Variants in ELMOD1 observed in about 807,000 individuals in gnomAD.
The protein encoded by ELMOD1 is ELMO domain containing 1.
A neutral mutation model predicts 46.7 loss-of-function variants in ELMOD1; 21 were observed. The observed-to-expected ratio is 0.45, with a 90% CI of 0.32 to 0.65. The LOEUF (loss-of-function observed/expected upper bound fraction) is 0.65, where lower values mean the gene tolerates loss of function less well. Ranked by LOEUF, ELMOD1 falls within the 30% of genes least tolerant of loss-of-function variation. ELMOD1 has a pLI of 0.04. For synonymous variants in ELMOD1, 122 were observed against 138.2 expected, an observed-to-expected ratio of 0.88 and a Z score of 0.82; for missense variants, 348 against 407.8, an observed-to-expected ratio of 0.85 and a Z score of 1.26.
Position 107,619,363 on chromosome 11 carries a change from T to G in ELMOD1, c.17+1157T>G, listed in dbSNP as rs965444570. Among the ~76,000 whole-genome samples the G allele has an allele frequency of 3.3e-5, 5 of 152,374 alleles. No individual in the cohort carries two copies. In the East Asian group the frequency reaches 9.6e-4, roughly 29 times the overall value. ...AGGAGGACATTTGCCAGCCAAGTAT[T>G]TGACCTAATATGTTCTTGGTTGTCA... On this transcript the variant is annotated intron_variant, in intron 2 of 11. Transcript: ENST00000265840.
chr11:107,656,806 A>G (rs973511617), intron 11 of ELMOD1, among the ~76,000 whole-genome samples: 22 of 152,198 alleles, frequency 1.4e-4, no homozygotes, highest in African/African-American at 4.8e-4. Context: ...TAATTCTCAG[A>G]TCTATGTTTT....
intron 8 of ELMOD1, 145 bp from the exon 9 acceptor site, chr11:107,650,740 G>A: frequency 1.6e-6 from 1 of 624,646 alleles, no homozygotes; most frequent in South Asian, 2.2e-5. Context: ...ACAGAAGGAA[G>A]AATGGAAGTT....
At chr11:107,612,063 A>C (rs976549586) in intron 1 of ELMOD1, among the ~76,000 whole-genome samples, 1 of 152,230 alleles carries the variant, frequency 6.6e-6, no homozygotes, top group African/African-American at 2.4e-5. Flanking sequence ...AGACAAATGC[A>C]TATGTTCGTC....
chr11:107,633,872 T>C (rs1866183932), intron 5 of ELMOD1, among the ~76,000 whole-genome samples: 1 of 152,170 alleles, frequency 6.6e-6, no homozygotes, highest in African/African-American at 2.4e-5. Context: ...TAAATTTTAA[T>C]ATCTGGCCTA....
intron 1 of ELMOD1, chr11:107,592,311 C>T (rs751472638): frequency 7.5e-6 from 4 of 531,536 alleles, no homozygotes; most frequent in Admixed American, 5.8e-5. Flanking sequence ...CCCTTTCCCC[C>T]ACCACCTAGG....
chr11:107,658,807 C>T (rs932787338), intron 11 of ELMOD1, among the ~76,000 whole-genome samples: 10 of 152,178 alleles, frequency 6.6e-5, no homozygotes, highest in Admixed American at 2.0e-4. Flanking sequence ...TGATGGCGCA[C>T]GCCTGTAAGC....
chr11:107,603,551 CCAACAA>C (rs1354965617), intron 1 of ELMOD1, among the ~76,000 whole-genome samples: 1 of 149,918 alleles, frequency 6.7e-6, no homozygotes, highest in Non-Finnish European at 1.5e-5. Context: ...AAAAACAAAA[CCAACAA>C]CAACAACAAC....
chr11:107,636,095 G>A (rs1247599346), intron 6 of ELMOD1, among the ~76,000 whole-genome samples: 1 of 152,208 alleles, frequency 6.6e-6, no homozygotes, highest in African/African-American at 2.4e-5. Flanking sequence ...AATAGCATTT[G>A]TCAAAGAGTG....
intron 5 of ELMOD1, among the ~76,000 whole-genome samples, chr11:107,635,123 A>C (rs1866205590): frequency 6.6e-6 from 1 of 152,098 alleles, no homozygotes; most frequent in Admixed American, 6.6e-5. Flanking sequence ...TGAAGCCCTT[A>C]AGGGCTTTTT....
At position 107,666,597 on chromosome 11, in the gene ELMOD1, T is replaced by C. The variant is rs1178376419; in HGVS notation, c.*1400T>C. On this transcript the variant is annotated 3_prime_UTR_variant, in exon 12 of 12. Transcript: ENST00000265840. ...AAAACCATGATTTAGTTTGGAATTA[T>C]GATTGTAGTCTGTTGAATAGTATTT... 6.5e-6 allele frequency: 1 copy of C among 152,674 alleles called. No homozygotes were observed. Among genetic ancestry groups the C allele is most frequent in the Non-Finnish European group, 1.5e-5 (1 of 68,046 alleles). The allele number at this position is 152,674 out of a possible 1,614,324, so 9.5% of individuals were successfully genotyped here.
intron 1 of ELMOD1, chr11:107,592,314 C>A: frequency 1.9e-6 from 1 of 532,010 alleles, no homozygotes; most frequent in Non-Finnish European, 3.9e-6. Flanking sequence ...TTTCCCCCAC[C>A]ACCTAGGAAA....
intron 2 of ELMOD1, among the ~76,000 whole-genome samples, chr11:107,622,341 A>G (rs767467126): frequency 3.9e-5 from 6 of 152,202 alleles, no homozygotes; most frequent in Non-Finnish European, 8.8e-5. Context: ...GGTGAGTAGA[A>G]GACAAGTTGC....
intron 1 of ELMOD1, among the ~76,000 whole-genome samples, chr11:107,607,903 C>T (rs1389150578): frequency 6.6e-6 from 1 of 151,598 alleles, no homozygotes; most frequent in Non-Finnish European, 1.5e-5. Context: ...TTAGATATTA[C>T]TGATCTTGAA....
intron 1 of ELMOD1, among the ~76,000 whole-genome samples, chr11:107,612,344 G>T (rs1322032339): frequency 2.0e-5 from 3 of 152,110 alleles, no homozygotes. Flanking sequence ...AATAGACACT[G>T]GTGACTACTA....
intron 2 of ELMOD1, among the ~76,000 whole-genome samples, chr11:107,624,225 T>C (rs953097743): frequency 3.3e-5 from 5 of 152,234 alleles, no homozygotes; most frequent in African/African-American, 1.2e-4. Context: ...AATAAAAGTT[T>C]ATATTTGAGG....
intron 2 of ELMOD1, among the ~76,000 whole-genome samples, chr11:107,627,924 C>A (rs897814899): frequency 8.5e-5 from 13 of 152,222 alleles, no homozygotes; most frequent in African/African-American, 2.6e-4. Context: ...ATGGGGTGGA[C>A]TTCCCTGAAA....
chr11:107,601,692 A>G (rs1340815469), intron 1 of ELMOD1, among the ~76,000 whole-genome samples: 1 of 152,044 alleles, frequency 6.6e-6, no homozygotes, highest in Non-Finnish European at 1.5e-5. Flanking sequence ...CTGGGATTAC[A>G]GGTGTGAGCC....
rs567351026 is a variant in ELMOD1, at chr11:107,656,023, C to T, written c.789C>T (p.Ile263=). The change falls in exon 11 of 12, where the codon ATC becomes ATT. Residue 263 remains isoleucine, a synonymous_variant. Transcript: ENST00000265840. ...CTCTAAAAACCCATTTCTACAATAT[C>T]GCCCCAGAAGCTCCAACATTGTCTC... ...SGALKTHFYN[I]APEAPTLSHF... is the part of the protein sequence containing the mutation. 1.9e-5 allele frequency: 29 copies of T among 1,562,984 alleles called. No homozygotes were observed. In the South Asian group the frequency reaches 2.1e-4, roughly 11 times the overall value.
chr11:107,665,261 T>C lies in ELMOD1; in HGVS notation c.*64T>C, dbSNP rs1282330600. 2 of 1,537,284 alleles carry C rather than the reference T, an allele frequency of 1.3e-6. No individual in the cohort carries two copies. Among genetic ancestry groups the C allele is most frequent in the Non-Finnish European group, 8.9e-7 (1 of 1,126,864 alleles). Reference sequence around the variant, plus strand: ...CCTCATTGTCTTGTTAGATCTCTGCTTAGGTCGCAGCTCACGCATTGAATG... The same window carrying C: ...CCTCATTGTCTTGTTAGATCTCTGCCTAGGTCGCAGCTCACGCATTGAATG... On this transcript the variant is annotated 3_prime_UTR_variant, in exon 12 of 12. Transcript: ENST00000265840.
Sources: gnomAD v4.1 joint callset for allele counts (sites outside exome capture counted in the v4.1 genomes callset) on GRCh38, gnomAD v4.1.1 for gene constraint, MANE v1.5 for transcripts, NCBI Gene and HGNC (gene_info 2026-07-23, HGNC 2026-07-21) for gene names.